The following VGLL3 variants were observed in gnomAD, a reference collection of about 807,000 sequenced individuals.
VGLL3 encodes transcription cofactor vestigial-like protein 3.
A neutral mutation model predicts 29.2 loss-of-function variants in VGLL3; 18 were observed. The observed-to-expected ratio is 0.62, with a 90% CI of 0.43 to 0.91. VGLL3 has a LOEUF of 0.91. VGLL3 is among the 40% of genes least tolerant of loss of function. VGLL3 has a pLI of 0.00. For missense variants in VGLL3, 440 were observed against 413.2 expected (o/e 1.06, Z -0.56); for synonymous variants, 180 against 151.8 (o/e 1.19, Z -1.36).
At chr3:86,957,461 G>A (rs1170672690) in intron 3 of VGLL3, among the ~76,000 whole-genome samples, 1 of 152,174 alleles carries the variant, frequency 6.6e-6, no homozygotes, top group Non-Finnish European at 1.5e-5. Flanking sequence ...TCAGAACCAT[G>A]AGAGTTTTCA....
At chr3:86,989,225 T>C (rs1376658968) in intron 1 of VGLL3, among the ~76,000 whole-genome samples, 2 of 152,146 alleles carry the variant, frequency 1.3e-5, no homozygotes, top group East Asian at 3.8e-4. Flanking sequence ...TGTAGAGAAG[T>C]TTTAGTTTGT....
At chr3:86,979,786 T>C (rs576300671) in intron 1 of VGLL3, among the ~76,000 whole-genome samples, 103 of 152,214 alleles carry the variant, frequency 6.8e-4, no homozygotes, top group African/African-American at 2.3e-3. Context: ...TGCATATATA[T>C]GTTCTGAGGA....
At chr3:86,950,043 C>A (rs1205085586) in intron 3 of VGLL3, among the ~76,000 whole-genome samples, 1 of 152,094 alleles carries the variant, frequency 6.6e-6, no homozygotes, top group Admixed American at 6.5e-5. Context: ...CTTGCCAGAA[C>A]AAAATCCACT....
At chr3:86,975,189 C>G (rs1023125577) in intron 2 of VGLL3, among the ~76,000 whole-genome samples, 2 of 152,122 alleles carry the variant, frequency 1.3e-5, no homozygotes, top group Non-Finnish European at 2.9e-5. Context: ...AAATGGACTC[C>G]AAAGACTGTA....
chr3:86,955,988 G>A (rs1704714604), intron 3 of VGLL3, among the ~76,000 whole-genome samples: 1 of 152,178 alleles, frequency 6.6e-6, no homozygotes, highest in Non-Finnish European at 1.5e-5. Context: ...GTTGCCTGCA[G>A]ACAACTGTTT....
intron 3 of VGLL3, among the ~76,000 whole-genome samples, chr3:86,948,821 A>G (rs1006290819): frequency 1.3e-5 from 2 of 152,134 alleles, no homozygotes; most frequent in African/African-American, 4.8e-5. Flanking sequence ...GAGAGGGAGA[A>G]AAAAAATAAA....
At position 86,938,703 on chromosome 3, in the gene VGLL3, A is replaced by T. The variant is rs944127628; in HGVS notation, c.*8321T>A. On this transcript the variant is annotated 3_prime_UTR_variant, in exon 4 of 4. Transcript: ENST00000398399. ...TCCAGAGTATGGATACCTTCTTTAC[A>T]CATTAAATCTATCAAAACATGTTTG... is the stretch of plus-strand genomic sequence containing the variant. 6.6e-6 allele frequency: 1 copy of T among 152,640 alleles called. No homozygotes were observed. Among genetic ancestry groups the T allele is most frequent in the African/African-American group, 2.4e-5 (1 of 41,442 alleles). The allele number at this position is 152,640 out of a possible 1,614,324, so 9.5% of individuals were successfully genotyped here.
At chr3:86,984,454 T>C (rs184677211) in intron 1 of VGLL3, among the ~76,000 whole-genome samples, 234 of 152,298 alleles carry the variant, frequency 1.5e-3, no homozygotes, top group African/African-American at 5.3e-3. Context: ...ATTGCCAGTT[T>C]TGATGATGTT....
rs1251161869 is a variant in VGLL3 at position 86,944,804 on chromosome 3, G to T, written c.*2220C>A. ...TCCTCTTCATTGGGAAAATCCAACT[G>T]AATGATCTGAATGAGTTTAACACTA... On this transcript the variant is annotated 3_prime_UTR_variant, in exon 4 of 4. Transcript: ENST00000398399. The T allele has an allele frequency of 6.6e-6, 1 of 152,164 alleles. No homozygotes were observed. Among genetic ancestry groups the T allele is most frequent in the Non-Finnish European group, 1.5e-5 (1 of 68,034 alleles). 9.4% of individuals were successfully genotyped at this position (152,164 alleles called of 1,614,324 possible).
At position 86,945,607 on chromosome 3, in the gene VGLL3, TA is replaced by T. The variant is rs1704492276; in HGVS notation, c.*1416del. 1 of 152,180 alleles carries T rather than the reference TA, an allele frequency of 6.6e-6. No homozygotes were observed. 9.4% of individuals were successfully genotyped at this position (152,180 alleles called of 1,614,324 possible). The stretch of plus-strand genomic sequence containing the variant: ...TCTTCTCCTAGCAGTGTCTTAATGA[TA>T]ATTTAAACTTTATTTAGATCCTGAG... On this transcript the variant is annotated 3_prime_UTR_variant, in exon 4 of 4. Transcript: ENST00000398399.
rs747533301 is a variant in VGLL3 at position 86,946,338 on chromosome 3, G to A, written c.*686C>T. 1 of 151,964 alleles carries A rather than the reference G, an allele frequency of 6.6e-6. No individual in the cohort carries two copies. The highest frequency in any genetic ancestry group is 1.5e-5 in the Non-Finnish European group (1 of 67,980). 9.4% of individuals were successfully genotyped at this position (151,964 alleles called of 1,614,324 possible). On this transcript the variant is annotated 3_prime_UTR_variant, in exon 4 of 4. Coordinates refer to ENST00000398399, the MANE Select transcript of VGLL3 (RefSeq NM_016206.4). ...ATTCAAAACTAATTGAGCTAGCATG[G>A]AATTAAATCTTTACTGAGATTCAAT...
chr3:86,946,567 A>C lies in VGLL3; in HGVS notation c.*457T>G, dbSNP rs1480913637. ...TCAACAATTTTTACAATTTTAAAAA[A>C]AATACATCCCTCAAAAATAGCCCAT... On this transcript the variant is annotated 3_prime_UTR_variant, in exon 4 of 4. Coordinates refer to ENST00000398399, the MANE Select transcript of VGLL3 (RefSeq NM_016206.4). 6.6e-6 allele frequency: 1 copy of C among 152,642 alleles called. No individual in the cohort carries two copies. The highest frequency in any genetic ancestry group is 2.4e-5 in the African/African-American group (1 of 41,464). 9.5% of individuals were successfully genotyped at this position (152,642 alleles called of 1,614,324 possible).
At chr3:86,957,073 C>A (rs1390480397) in intron 3 of VGLL3, among the ~76,000 whole-genome samples, 1 of 152,024 alleles carries the variant, frequency 6.6e-6, no homozygotes, top group African/African-American at 2.4e-5. Context: ...AATACGTAAG[C>A]ATAATGGGAT....
Position 86,969,083 on chromosome 3 carries a change from A to T in VGLL3, c.444T>A (p.Thr148=). 1.9e-6 allele frequency: 3 copies of T among 1,609,596 alleles called. No homozygotes were observed. Among genetic ancestry groups the T allele is most frequent in the Non-Finnish European group, 2.5e-6 (3 of 1,176,856 alleles). The change falls in exon 3 of 4, where the codon ACT becomes ACA. Residue 148 remains threonine, a synonymous_variant. Transcript: ENST00000398399. ...ALSSQRNSFP[T]SFWTSSYQPP... is the part of the protein sequence containing the mutation. Reference sequence around the variant, plus strand: ...GCTGGTAAGAGCTGGTCCAAAAGGAAGTTGGGAAACTATTCCGCTGGCTTG... The same window carrying T: ...GCTGGTAAGAGCTGGTCCAAAAGGATGTTGGGAAACTATTCCGCTGGCTTG...
chr3:86,956,792 C>CAAA lies in VGLL3; in HGVS notation c.938-9728_938-9726dup, dbSNP rs55781336. 4.9e-3 allele frequency among the ~76,000 whole-genome samples: 447 copies of CAAA among 90,794 alleles called. 1 individual carries two copies. Among genetic ancestry groups the CAAA allele is most frequent in the Non-Finnish European group, 7.2e-3 (346 of 47,808 alleles). 59.6% of individuals were successfully genotyped at this position (90,794 alleles called of 152,430 possible). A position where few individuals can be genotyped will look rare whatever the true frequency, so the allele number is the denominator to read the frequency against. ...AGAGCGAGACTCCGTCCCACCGTCC[C>CAAA]AAAAAAAAAAAAAAAAAAAAAGAAA... On this transcript the variant is annotated intron_variant, in intron 3 of 3. Coordinates refer to ENST00000398399, the MANE Select transcript of VGLL3 (RefSeq NM_016206.4).
chr3:86,938,078 A>T lies in VGLL3; in HGVS notation c.*8946T>A, dbSNP rs1393036479. The T allele has an allele frequency of 1.3e-5, 2 of 152,232 alleles. No individual in the cohort carries two copies. Among genetic ancestry groups the T allele is most frequent in the Non-Finnish European group, 2.9e-5 (2 of 68,046 alleles). 9.4% of individuals were successfully genotyped at this position (152,232 alleles called of 1,614,324 possible). A position where few individuals can be genotyped will look rare whatever the true frequency, so the allele number is the denominator to read the frequency against. On this transcript the variant is annotated 3_prime_UTR_variant, in exon 4 of 4. Coordinates refer to ENST00000398399, the MANE Select transcript of VGLL3 (RefSeq NM_016206.4). ...TCCTTGATTAGTCCTGAAGTTATCA[A>T]AGTATGATTTTTCTTTATTTCTGTT...
chr3:86,970,489 A>G (rs1241025497), intron 2 of VGLL3, among the ~76,000 whole-genome samples: 1 of 109,824 alleles, frequency 9.1e-6, no homozygotes, highest in Non-Finnish European at 1.8e-5. Flanking sequence ...ACACGCACAC[A>G]CACACACACA....
intron 1 of VGLL3, among the ~76,000 whole-genome samples, chr3:86,987,923 C>T (rs368599242): frequency 2.9e-4 from 44 of 152,200 alleles, no homozygotes; most frequent in Middle Eastern, 3.4e-3. Flanking sequence ...TTGTGCTTAT[C>T]GGAAAACAGG....
At chr3:86,963,802 T>G (rs1704905700) in intron 3 of VGLL3, among the ~76,000 whole-genome samples, 1 of 152,204 alleles carries the variant, frequency 6.6e-6, no homozygotes, top group South Asian at 2.1e-4. Context: ...GTCCAAAGTC[T>G]GCTTCTTTTG....
Sources: allele counts gnomAD v4.1 joint callset (sites outside exome capture counted in the v4.1 genomes callset), GRCh38; gene constraint gnomAD v4.1.1; transcripts MANE v1.5; gene names NCBI Gene and HGNC (gene_info 2026-07-23, HGNC 2026-07-21).